The following CLUL1 variants were observed in gnomAD, a reference collection of about 807,000 sequenced individuals.
CLUL1 encodes clusterin-like protein 1.
Under a neutral mutation model 49.4 loss-of-function variants are expected in CLUL1, and 43 were observed. The ratio of observed to expected loss-of-function variants is 0.87; its 90% CI spans 0.68 to 1.12. The LOEUF (loss-of-function observed/expected upper bound fraction) is 1.12, where lower values mean the gene tolerates loss of function less well. Among genes scored for constraint, CLUL1 ranks in the 50% most tolerant of loss-of-function variants. The pLI is 0.00. For synonymous variants in CLUL1, 192 were observed against 184.9 expected (o/e 1.04, Z -0.31); for missense variants, 486 against 544.4 (o/e 0.89, Z 1.07).
At chr18:610,382 A>G (rs57674587) in intron 2 of CLUL1, among the ~76,000 whole-genome samples, 112,892 of 151,876 alleles carry the variant, frequency 0.74, 42,409 homozygotes, top group Middle Eastern at 0.9. Context: ...ATTGAAGGAG[A>G]CAGAGAAGTC....
At position 617,994 on chromosome 18, in the gene CLUL1, C is replaced by T. The variant is rs1269121083; in HGVS notation, c.-7C>T. On this transcript the variant is annotated 5_prime_UTR_variant, in exon 3 of 10. Coordinates refer to ENST00000692774, the MANE Select transcript of CLUL1 (RefSeq NM_001393344.1). Reference sequence around the variant, plus strand: ...GTTTATTTTTCCTTTGCAGTAACAGCGGGAACATGAAGCCGCCACTCTTGG... The same window carrying T: ...GTTTATTTTTCCTTTGCAGTAACAGTGGGAACATGAAGCCGCCACTCTTGG... 1.9e-6 allele frequency: 3 copies of T among 1,613,184 alleles called. No homozygotes were observed. Among genetic ancestry groups the T allele is most frequent in the Non-Finnish European group, 2.5e-6 (3 of 1,179,480 alleles).
intron 6 of CLUL1, among the ~76,000 whole-genome samples, 165 bp from the exon 7 acceptor site, chr18:633,133 G>A (rs1471845700): frequency 6.6e-6 from 1 of 152,084 alleles, no homozygotes; most frequent in Non-Finnish European, 1.5e-5. Flanking sequence ...CTTTAGCCTG[G>A]GCAACAAGCA....
intron 1 of CLUL1, chr18:598,664 T>C: frequency 2.5e-6 from 1 of 398,054 alleles, no homozygotes; most frequent in Non-Finnish European, 4.4e-6. Context: ...GATGGTTTTC[T>C]ACAGCTGGTC....
intron 4 of CLUL1, among the ~76,000 whole-genome samples, chr18:621,883 G>T (rs2073497581): frequency 6.6e-6 from 1 of 152,158 alleles, no homozygotes; most frequent in African/African-American, 2.4e-5. Context: ...TCCACTTTGG[G>T]TGGGTCAAGT....
rs551421129 is a variant in CLUL1, at chr18:606,895, A to G, written c.-135-83A>G. 2.1e-4 allele frequency: 122 copies of G among 570,306 alleles called. No homozygotes were observed. The highest frequency in any genetic ancestry group is 1.8e-3 in the African/African-American group (96 of 53,036). The allele number at this position is 570,306 out of a possible 1,614,324, so 35.3% of individuals were successfully genotyped here. The stretch of plus-strand genomic sequence containing the variant: ...GGCCAGTTCACCCTCAGTGCTCACT[A>G]CTTTGCAGTGTTCATAGAATATTTG... On this transcript the variant is annotated intron_variant, in intron 1 of 9. Transcript: ENST00000692774. The surrounding 1 kb of genome is among the most constrained non-coding windows in gnomAD (Gnocchi z 4.1).
intron 7 of CLUL1, among the ~76,000 whole-genome samples, chr18:637,739 C>G (rs2074192479): frequency 6.6e-6 from 1 of 152,080 alleles, no homozygotes; most frequent in Admixed American, 6.6e-5. Flanking sequence ...CTCTGGAAGG[C>G]CGAGGCGGGC....
rs144722977 is a variant in CLUL1, at chr18:648,370, AATGTTT to A, written c.1398-1527_1398-1522del. Among the ~76,000 whole-genome samples, 1,004 of 152,316 alleles carry A rather than the reference AATGTTT, an allele frequency of 6.6e-3. 8 individuals carry two copies. Among genetic ancestry groups the A allele is most frequent in the African/African-American group, 0.023 (944 of 41,562 alleles). On this transcript the variant is annotated intron_variant, in intron 9 of 9. Transcript: ENST00000692774. ...GAAGTGATTTTTCACAGGCAATGTTAATGTTTTTCTTTTTTATGTAGTTTTAAAATT... is the reference window on the plus strand; with the variant it reads ...GAAGTGATTTTTCACAGGCAATGTTATTCTTTTTTATGTAGTTTTAAAATT...
intron 1 of CLUL1, among the ~76,000 whole-genome samples, chr18:601,632 TGA>T (rs2143916653): frequency 7.3e-6 from 1 of 136,646 alleles, no homozygotes; most frequent in Non-Finnish European, 1.6e-5. Context: ...GGCAACAGAG[TGA>T]GACTCCATCT....
In CLUL1 at chr18:618,078, CAA is replaced by C; in HGVS notation, c.81_82del (p.Lys27AsnfsTer5). 6.2e-7 allele frequency: 1 copy of C among 1,613,914 alleles called. No homozygotes were observed. Among genetic ancestry groups the C allele is most frequent in the Non-Finnish European group, 8.5e-7 (1 of 1,179,818 alleles). ...GTCACTGCGCACCCACTTGGAAGGA[CAA>C]AACTGCTATCAGTGAAAACCTGAAG... ...DSHCAPTWKD[K>X]TAISENLKSF... On this transcript the variant is annotated frameshift_variant, in exon 3 of 10. Transcript: ENST00000692774. LOFTEE classifies it high-confidence loss of function. This position sits in a 1 kb window ranked among gnomAD's most constrained non-coding sequence, Gnocchi z 4.2.
At chr18:639,311 A>G (rs1396106784) in intron 7 of CLUL1, among the ~76,000 whole-genome samples, 2 of 151,302 alleles carry the variant, frequency 1.3e-5, no homozygotes, top group Admixed American at 6.6e-5. Context: ...CGTGCCTGTA[A>G]TCCCAGCTAC....
At chr18:635,784 T>C (rs111719181) in intron 7 of CLUL1, among the ~76,000 whole-genome samples, 16,649 of 152,214 alleles carry the variant, frequency 0.11, 1,153 homozygotes, top group African/African-American at 0.19. Flanking sequence ...TCGCCCAGGC[T>C]GGAGTGCAGT....
intron 7 of CLUL1, among the ~76,000 whole-genome samples, chr18:635,840 G>A (rs1256830013): frequency 6.6e-6 from 1 of 152,124 alleles, no homozygotes; most frequent in Non-Finnish European, 1.5e-5. Context: ...GAGTTCAAGC[G>A]ATTCTGCTGC....
chr18:643,844 A>G (rs886176143), intron 8 of CLUL1, among the ~76,000 whole-genome samples: 1 of 152,226 alleles, frequency 6.6e-6, no homozygotes, highest in Non-Finnish European at 1.5e-5. Context: ...CAGTTTTTCA[A>G]ATGAGGCACA....
In CLUL1 at chr18:634,412, A is replaced by G. The variant is rs113434426; in HGVS notation, c.994+977A>G. 4.4e-3 allele frequency among the ~76,000 whole-genome samples: 668 copies of G among 152,240 alleles called. 8 individuals carry two copies. Among genetic ancestry groups the G allele is most frequent in the African/African-American group, 0.015 (627 of 41,532 alleles). On this transcript the variant is annotated intron_variant, in intron 7 of 9. Transcript: ENST00000692774. ...CTCCCAAAGTGCTGGGATTACAGGC[A>G]TGAACCACCGTGCCTGGCCTGGTTT...
chr18:623,755 G>T (rs1442549531), intron 4 of CLUL1, among the ~76,000 whole-genome samples: 2 of 151,446 alleles, frequency 1.3e-5, no homozygotes, highest in African/African-American at 2.4e-5. Context: ...GCAAGCTGGG[G>T]CCCTGGCAGT....
Position 616,601 on chromosome 18 carries a change from G to A in CLUL1, c.-13-1387G>A, listed in dbSNP as rs114982364. Reference sequence around the variant, plus strand: ...GAACAGTACCAAATTTTAGATCATAGTTGTAAATCTCAAAATGTTGGGTTA... The same window carrying A: ...GAACAGTACCAAATTTTAGATCATAATTGTAAATCTCAAAATGTTGGGTTA... On this transcript the variant is annotated intron_variant, in intron 2 of 9. Transcript: ENST00000692774. 703 of 332,350 alleles carry A rather than the reference G, an allele frequency of 2.1e-3. 9 individuals carry two copies. The highest frequency in any genetic ancestry group is 0.015 in the African/African-American group (677 of 44,796). The allele number at this position is 332,350 out of a possible 1,614,324, so 20.6% of individuals were successfully genotyped here. A position where few individuals can be genotyped will look rare whatever the true frequency, so the allele number is the denominator to read the frequency against.
chr18:645,845 A>ATATATT (rs2074489091), intron 9 of CLUL1, among the ~76,000 whole-genome samples: 1 of 129,846 alleles, frequency 7.7e-6, no homozygotes, highest in Admixed American at 8.0e-5. Context: ...ATATATATAT[A>ATATATT]TATATATGTT....
At chr18:632,537 A>G (rs923351266) in intron 6 of CLUL1, among the ~76,000 whole-genome samples, 5 of 152,168 alleles carry the variant, frequency 3.3e-5, no homozygotes, top group African/African-American at 4.8e-5. Context: ...GTGGTTCACA[A>G]TCACCTATTT....
chr18:648,292 T>C (rs918501631), intron 9 of CLUL1, among the ~76,000 whole-genome samples: 1 of 152,234 alleles, frequency 6.6e-6, no homozygotes, highest in South Asian at 2.1e-4. Flanking sequence ...CAATGGGAAT[T>C]AAGATACTGA....
Sources: allele counts gnomAD v4.1 joint callset (sites outside exome capture counted in the v4.1 genomes callset), GRCh38; gene constraint gnomAD v4.1.1; non-coding constraint Gnocchi (gnomAD v3.1); transcripts MANE v1.5; gene names NCBI Gene and HGNC (gene_info 2026-07-23, HGNC 2026-07-21).